Variants in GOLGA1 observed in about 807,000 individuals in gnomAD.
GOLGA1 encodes the protein golgin A1, also known as golgin subfamily A member 1.
A neutral mutation model predicts 119.7 loss-of-function variants in GOLGA1; 63 were observed. That is an observed-to-expected ratio of 0.53 (90% CI 0.43 to 0.65). The LOEUF (loss-of-function observed/expected upper bound fraction) is 0.65, where lower values mean the gene tolerates loss of function less well. GOLGA1 is among the 30% of genes least tolerant of loss of function. The pLI is 0.00. For missense variants in GOLGA1, 798 were observed against 912.8 expected (o/e 0.87, Z 1.62); for synonymous variants, 318 against 333.4 (o/e 0.95, Z 0.50).
At chr9:124,882,824 A>C (rs1017393608) in intron 19 of GOLGA1, among the ~76,000 whole-genome samples, 2 of 152,150 alleles carry the variant, frequency 1.3e-5, no homozygotes, top group African/African-American at 4.8e-5. Context: ...CTGTGTTGAC[A>C]TGAGTGCCCC....
intron 11 of GOLGA1, among the ~76,000 whole-genome samples, chr9:124,911,598 C>G (rs55977784): frequency 6.6e-6 from 1 of 152,186 alleles, no homozygotes; most frequent in Non-Finnish European, 1.5e-5. Context: ...GGGAAGAGGG[C>G]AGTGCAGAAA....
chr9:124,933,677 A>G (rs546958618), intron 3 of GOLGA1, among the ~76,000 whole-genome samples: 25 of 152,304 alleles, frequency 1.6e-4, no homozygotes, highest in Middle Eastern at 3.4e-3. Context: ...GGTCCCCCAA[A>G]GTGCTGGGAT....
intron 4 of GOLGA1, among the ~76,000 whole-genome samples, chr9:124,929,615 A>C (rs1369279868): frequency 1.3e-5 from 2 of 152,204 alleles, no homozygotes; most frequent in Non-Finnish European, 2.9e-5. Flanking sequence ...CTTAATTTCA[A>C]ATCTCAGTTT....
chr9:124,911,447 TCCCTTGCA>T (rs894029226), intron 11 of GOLGA1, among the ~76,000 whole-genome samples: 1 of 152,148 alleles, frequency 6.6e-6, no homozygotes, highest in Non-Finnish European at 1.5e-5. Context: ...ATGAGAAAGT[TCCCTTGCA>T]CCACTGGGGA....
intron 8 of GOLGA1, 98 bp downstream of exon 8, chr9:124,922,997 C>A (rs752082983): frequency 2.8e-5 from 20 of 723,782 alleles, no homozygotes; most frequent in Non-Finnish European, 4.3e-5. Flanking sequence ...TCACATATTA[C>A]TGGTGTATGT....
chr9:124,940,196 T>G lies in GOLGA1; in HGVS notation c.-205-41A>C, dbSNP rs559333314. Reference sequence around the variant, plus strand: ...GATAAAATGCATTGGGTATTTCTTTTCAAGTGTATGGCCAAAATGTTGGGT... The same window carrying G: ...GATAAAATGCATTGGGTATTTCTTTGCAAGTGTATGGCCAAAATGTTGGGT... On this transcript the variant is annotated intron_variant, in intron 1 of 22. Coordinates refer to ENST00000373555, the MANE Select transcript of GOLGA1 (RefSeq NM_002077.4). 3 of 152,180 alleles carry G rather than the reference T, an allele frequency of 2.0e-5. No individual in the cohort carries two copies. The South Asian group carries it at 6.2e-4, about 32-fold the overall frequency. The allele number at this position is 152,180 out of a possible 1,614,324, so 9.4% of individuals were successfully genotyped here. A position where few individuals can be genotyped will look rare whatever the true frequency, so the allele number is the denominator to read the frequency against.
At chr9:124,921,658 G>A in intron 9 of GOLGA1, 65 bp downstream of exon 9, 3 of 1,240,562 alleles carry the variant, frequency 2.4e-6, no homozygotes, top group Non-Finnish European at 3.5e-6. Context: ...GGGGAAAGGT[G>A]GGCAGGCTAT....
intron 12 of GOLGA1, among the ~76,000 whole-genome samples, chr9:124,904,043 C>T (rs906634226): frequency 6.2e-5 from 9 of 144,714 alleles, no homozygotes; most frequent in Non-Finnish European, 8.9e-5. Flanking sequence ...AGCCTGATGA[C>T]GGAGCAAGAC....
rs146493512 is a variant in GOLGA1 at position 124,909,373 on chromosome 9, C to T, written c.970-901G>A. 2.5e-3 allele frequency among the ~76,000 whole-genome samples: 381 copies of T among 150,082 alleles called. 2 individuals carry two copies. The highest frequency in any genetic ancestry group is 8.9e-3 in the African/African-American group (364 of 40,740). ...CTGTAATCCCAGCACTTTGGGAAGC[C>T]GACGTGGACAGATCACGAGGTCAGA... On this transcript the variant is annotated intron_variant, in intron 11 of 22. Coordinates refer to ENST00000373555, the MANE Select transcript of GOLGA1 (RefSeq NM_002077.4).
chr9:124,920,846 A>C (rs902640637), intron 10 of GOLGA1, among the ~76,000 whole-genome samples: 1 of 130,854 alleles, frequency 7.6e-6, no homozygotes, highest in Admixed American at 7.6e-5. Flanking sequence ...ACTCTGTCCC[A>C]AAAAAAAAGA....
In GOLGA1 at chr9:124,946,767, A is replaced by C. The variant is rs775497631; in HGVS notation, c.-156+1151T>G. The C allele has an allele frequency of 2.6e-5, 4 of 152,224 alleles. No individual in the cohort carries two copies. Among genetic ancestry groups the C allele is most frequent in the Non-Finnish European group, 5.9e-5 (4 of 68,028 alleles). 9.4% of individuals were successfully genotyped at this position (152,224 alleles called of 1,614,324 possible). A position where few individuals can be genotyped will look rare whatever the true frequency, so the allele number is the denominator to read the frequency against. On this transcript the variant is annotated intron_variant, in intron 1 of 4. Coordinates refer to the GOLGA1 transcript ENST00000421514. The surrounding 1 kb of genome is among the most constrained non-coding windows in gnomAD (Gnocchi z 4.0). Reference sequence around the variant, plus strand: ...CATCTAATATTAAAAACTCTACTTCATGTGCGAATATATCATCAACTTGCA... The same window carrying C: ...CATCTAATATTAAAAACTCTACTTCCTGTGCGAATATATCATCAACTTGCA...
At chr9:124,923,509 T>C (rs1588089796) in intron 7 of GOLGA1, among the ~76,000 whole-genome samples, 2 of 152,296 alleles carry the variant, frequency 1.3e-5, no homozygotes, top group Middle Eastern at 6.8e-3. Flanking sequence ...GCATTGATAA[T>C]GGAAAGCATT....
intron 7 of GOLGA1, among the ~76,000 whole-genome samples, chr9:124,925,832 A>T (rs1321372559): frequency 1.3e-5 from 2 of 152,246 alleles, no homozygotes; most frequent in Non-Finnish European, 2.9e-5. Context: ...TTTTAAAACT[A>T]AAATGTTTTT....
At chr9:124,929,975 A>G (rs1830744047) in intron 4 of GOLGA1, among the ~76,000 whole-genome samples, 1 of 152,164 alleles carries the variant, frequency 6.6e-6, no homozygotes, top group African/African-American at 2.4e-5. Flanking sequence ...TAGTTTCTTC[A>G]TATATTAAAT....
At chr9:124,882,834 C>G (rs1829622314) in intron 19 of GOLGA1, among the ~76,000 whole-genome samples, 1 of 152,160 alleles carries the variant, frequency 6.6e-6, no homozygotes, top group African/African-American at 2.4e-5. Flanking sequence ...ATGAGTGCCC[C>G]AGCGCTGCCT....
At chr9:124,895,794 A>T (rs557934720) in intron 15 of GOLGA1, among the ~76,000 whole-genome samples, 34 of 133,244 alleles carry the variant, frequency 2.6e-4, no homozygotes, top group Non-Finnish European at 4.6e-4. Flanking sequence ...ACAGAGAACC[A>T]TCCCCAACAG....
intron 19 of GOLGA1, 105 bp from the exon 20 acceptor site, chr9:124,882,674 C>A: frequency 1.1e-6 from 1 of 875,866 alleles, no homozygotes; most frequent in Non-Finnish European, 1.8e-6. Flanking sequence ...CTGTGAGGAG[C>A]CTCTGCCCTG....
At position 124,888,285 on chromosome 9, in the gene GOLGA1, C is replaced by T; in HGVS notation, c.1873G>A (p.Asp625Asn). Reference sequence around the variant, plus strand: ...TTCTCCAGAAGTTGCTGCTCCAAGTCCTGTTTCTCCTTCTGTAGCTGTGTG... The same window carrying T: ...TTCTCCAGAAGTTGCTGCTCCAAGTTCTGTTTCTCCTTCTGTAGCTGTGTG... ...DLTQLQKEKQ[D>N]LEQQLLEKNK... The change falls in exon 19 of 23, where the codon GAC becomes AAC. Residue 625 changes from aspartate to asparagine, a missense_variant. By Grantham distance (23) the Asp-to-Asn change is conservative (BLOSUM62 1). Coordinates refer to ENST00000373555, the MANE Select transcript of GOLGA1 (RefSeq NM_002077.4). This position sits in a 1 kb window ranked among gnomAD's most constrained non-coding sequence, Gnocchi z 4.4. 10 of 1,614,136 alleles carry T rather than the reference C, an allele frequency of 6.2e-6. No individual in the cohort carries two copies. The highest frequency in any genetic ancestry group is 8.5e-6 in the Non-Finnish European group (10 of 1,179,982).
chr9:124,929,235 T>C lies in GOLGA1; in HGVS notation c.282A>G (p.Ala94=). The change falls in exon 5 of 23, where the codon GCA becomes GCG. Residue 94 remains alanine, a synonymous_variant. Transcript: ENST00000373555. Reference sequence around the variant, plus strand: ...ACGTACAATCCTGGTGTTTTTCTAATGCAATTTCAAGCTTCTCTTTTATCT... The same window carrying C: ...ACGTACAATCCTGGTGTTTTTCTAACGCAATTTCAAGCTTCTCTTTTATCT... ...LQKIKEKLEI[A]LEKHQDSSMR... 2 of 1,605,206 alleles carry C rather than the reference T, an allele frequency of 1.2e-6. No individual in the cohort carries two copies. The highest frequency in any genetic ancestry group is 1.7e-6 in the Non-Finnish European group (2 of 1,171,952).
Sources: allele counts gnomAD v4.1 joint callset (sites outside exome capture counted in the v4.1 genomes callset), GRCh38; gene constraint gnomAD v4.1.1; non-coding constraint Gnocchi (gnomAD v3.1); transcripts MANE v1.5; gene names NCBI Gene and HGNC (gene_info 2026-07-23, HGNC 2026-07-21).